The following DPYD variants were observed in gnomAD, a reference collection of about 807,000 sequenced individuals.
DPYD encodes the protein dihydropyrimidine dehydrogenase [NADP(+)].
DPYD carries 109 observed loss-of-function variants against 116.2 expected under a neutral mutation model. That is an observed-to-expected ratio of 0.94 (90% confidence interval 0.80 to 1.10). DPYD has a LOEUF of 1.10. Among genes scored for constraint, DPYD ranks in the 50% least tolerant of loss-of-function variants. The pLI is 0.00. For synonymous variants in DPYD, 440 were observed against 432.0 expected (o/e 1.02, Z -0.23); for missense variants, 1,302 against 1,254.5 (o/e 1.04, Z -0.57).
Position 97,079,000 on chromosome 1 carries a change from G to T in DPYD, c.3054C>A (p.Pro1018=). 6.2e-7 allele frequency: 1 copy of T among 1,613,662 alleles called. No individual in the cohort carries two copies. The highest frequency in any genetic ancestry group is 8.5e-7 in the Non-Finnish European group (1 of 1,179,660). Residue 1018 remains proline (P), a synonymous_variant, in exon 23 of 23, where the codon CCC becomes CCA. Coordinates refer to ENST00000370192, the MANE Select transcript of DPYD (RefSeq NM_000110.4). ...CTTAACACACCGGATTCACAGATAA[G>T]GGTACGCCTCTCTTTGGTTCATAAG... is the stretch of plus-strand genomic sequence containing the variant. ...TTPYEPKRGV[P]LSVNPVC
intron 5 of DPYD, among the ~76,000 whole-genome samples, chr1:97,717,224 A>G (rs2101016338): frequency 6.6e-6 from 1 of 152,254 alleles, no homozygotes; most frequent in Middle Eastern, 3.4e-3. Context: ...ATTACTGCAA[A>G]TAGTATATGC....
At chr1:97,809,435 C>A (rs999301046) in intron 3 of DPYD, among the ~76,000 whole-genome samples, 14 of 152,250 alleles carry the variant, frequency 9.2e-5, no homozygotes, top group Admixed American at 3.9e-4. Context: ...CAATAGCCAG[C>A]AATTACGGTG....
chr1:97,796,743 AT>A (rs1329782553), intron 3 of DPYD, among the ~76,000 whole-genome samples: 2 of 150,536 alleles, frequency 1.3e-5, no homozygotes, highest in African/African-American at 2.5e-5. Flanking sequence ...AAAAGTAATA[AT>A]TACACTAACT....
intron 1 of DPYD, among the ~76,000 whole-genome samples, chr1:97,887,469 T>TAA (rs57316508): frequency 8.7e-4 from 41 of 47,138 alleles, no homozygotes; most frequent in Admixed American, 4.5e-3. Flanking sequence ...GACTCTGCAT[T>TAA]AAAAAAAAAA....
chr1:97,842,498 G>C (rs996293183), intron 2 of DPYD, among the ~76,000 whole-genome samples: 4 of 152,052 alleles, frequency 2.6e-5, no homozygotes, highest in Admixed American at 2.6e-4. Flanking sequence ...TAATACAATT[G>C]AGTAATCCAA....
intron 8 of DPYD, among the ~76,000 whole-genome samples, chr1:97,640,481 G>T (rs2100816197): frequency 6.6e-6 from 1 of 152,036 alleles, no homozygotes; most frequent in Non-Finnish European, 1.5e-5. Context: ...GCTAATTTTT[G>T]TATTTTTAGT....
At chr1:97,527,357 G>C (rs908571463) in intron 12 of DPYD, among the ~76,000 whole-genome samples, 1 of 151,998 alleles carries the variant, frequency 6.6e-6, no homozygotes, top group Admixed American at 6.6e-5. Context: ...GATTACAGGC[G>C]TGAGCCACCA....
At chr1:97,202,820 A>T (rs1659303870) in intron 19 of DPYD, among the ~76,000 whole-genome samples, 1 of 152,194 alleles carries the variant, frequency 6.6e-6, no homozygotes, top group East Asian at 1.9e-4. Flanking sequence ...AATAAGAACC[A>T]TACAGAGACA....
chr1:97,246,718 T>A (rs751378309), intron 18 of DPYD, among the ~76,000 whole-genome samples: 1 of 152,130 alleles, frequency 6.6e-6, no homozygotes, highest in Non-Finnish European at 1.5e-5. Flanking sequence ...CAGCTACCAA[T>A]ATCAATTTCT....
chr1:97,689,865 T>C (rs1293089336), intron 7 of DPYD, among the ~76,000 whole-genome samples: 1 of 152,102 alleles, frequency 6.6e-6, no homozygotes. Context: ...TTCCTCAGAA[T>C]TGTATATACA....
At chr1:97,864,639 T>C (rs1671281334) in intron 2 of DPYD, among the ~76,000 whole-genome samples, 2 of 151,920 alleles carry the variant, frequency 1.3e-5, no homozygotes, top group African/African-American at 4.8e-5. Context: ...GAAGGAATAC[T>C]GAATAGTGAG....
intron 11 of DPYD, among the ~76,000 whole-genome samples, chr1:97,553,336 G>GAAAAAATCCACGTGC (rs1218144129): frequency 6.6e-6 from 1 of 151,790 alleles, no homozygotes; most frequent in Non-Finnish European, 1.5e-5. Flanking sequence ...AGGATTCAGT[G>GAAAAAATCCACGTGC]AAAAAATCCA....
At chr1:97,758,380 T>G (rs1354881436) in intron 3 of DPYD, among the ~76,000 whole-genome samples, 1 of 151,566 alleles carries the variant, frequency 6.6e-6, no homozygotes, top group African/African-American at 2.4e-5. Flanking sequence ...AAAAACAGTT[T>G]CATTTTAGGG....
chr1:97,781,341 A>T (rs1249590350), intron 3 of DPYD, among the ~76,000 whole-genome samples: 1 of 152,230 alleles, frequency 6.6e-6, no homozygotes, highest in East Asian at 1.9e-4. Context: ...ATATGTAGTT[A>T]TCTCATATTT....
chr1:97,078,842 G>T lies in DPYD; in HGVS notation c.*134C>A. ...TTTTTTACACTTACAAATGTATTTT[G>T]AAATTACATATTTTTATTTAGAAAA... On this transcript the variant is annotated 3_prime_UTR_variant, in exon 23 of 23. Coordinates refer to ENST00000370192, the MANE Select transcript of DPYD (RefSeq NM_000110.4). The T allele has an allele frequency of 9.4e-7, 1 of 1,065,462 alleles. No homozygotes were observed. Among genetic ancestry groups the T allele is most frequent in the Admixed American group, 1.9e-5 (1 of 51,646 alleles). 66.0% of individuals were successfully genotyped at this position (1,065,462 alleles called of 1,614,324 possible).
chr1:97,729,409 T>TA (rs1325321251), intron 4 of DPYD, among the ~76,000 whole-genome samples: 3 of 152,180 alleles, frequency 2.0e-5, no homozygotes, highest in African/African-American at 7.2e-5. Context: ...ATAAGATGCC[T>TA]ATTCCATTAT....
intron 12 of DPYD, among the ~76,000 whole-genome samples, chr1:97,542,248 G>T (rs1359413807): frequency 2.6e-5 from 4 of 151,918 alleles, no homozygotes; most frequent in Non-Finnish European, 4.4e-5. Context: ...TATGCTTTTT[G>T]GTGAAATAAA....
At chr1:97,742,131 T>A (rs757037003) in intron 3 of DPYD, among the ~76,000 whole-genome samples, 2 of 152,054 alleles carry the variant, frequency 1.3e-5, no homozygotes, top group African/African-American at 4.8e-5. Context: ...GCCACATGTG[T>A]CAGAAAAACA....
intron 6 of DPYD, among the ~76,000 whole-genome samples, chr1:97,692,161 A>T (rs943263234): frequency 2.0e-5 from 3 of 152,092 alleles, no homozygotes; most frequent in Non-Finnish European, 4.4e-5. Flanking sequence ...AAAATCTATT[A>T]ATAAAGCTAG....
Sources: allele counts gnomAD v4.1 joint callset (sites outside exome capture counted in the v4.1 genomes callset), GRCh38; gene constraint gnomAD v4.1.1; transcripts MANE v1.5; gene names NCBI Gene and HGNC (gene_info 2026-07-23, HGNC 2026-07-21).